The following KCNJ5 variants were observed in gnomAD, a reference collection of about 807,000 sequenced individuals.
The protein encoded by KCNJ5 is potassium inwardly rectifying channel subfamily J member 5.
Under a neutral mutation model 20.2 loss-of-function variants are expected in KCNJ5, and 12 were observed. That is an observed-to-expected ratio of 0.59 (90% CI 0.38 to 0.96). The LOEUF (loss-of-function observed/expected upper bound fraction) is 0.96. KCNJ5 is among the 40% of genes least tolerant of loss of function. The pLI is 0.00. For synonymous variants in KCNJ5, 210 were observed against 213.9 expected (o/e 0.98, Z 0.16); for missense variants, 449 against 557.6 (o/e 0.81, Z 1.96).
chr11:128,920,286 C>T lies in KCNJ5; in HGVS notation c.*3555C>T, dbSNP rs1241497716. On this transcript the variant is annotated 3_prime_UTR_variant, in exon 3 of 3. Transcript: ENST00000529694. Reference sequence around the variant, plus strand: ...CCTGTGTAGTCAGAGAACCCACTGCCCATCGCCTCCTGCTGCTGCTTTGAG... The same window carrying T: ...CCTGTGTAGTCAGAGAACCCACTGCTCATCGCCTCCTGCTGCTGCTTTGAG... 1 of 152,758 alleles carries T rather than the reference C, an allele frequency of 6.5e-6. No homozygotes were observed. The highest frequency in any genetic ancestry group is 1.5e-5 in the Non-Finnish European group (1 of 68,428). 9.5% of individuals were successfully genotyped at this position (152,758 alleles called of 1,614,324 possible). A position where few individuals can be genotyped will look rare whatever the true frequency, so the allele number is the denominator to read the frequency against.
intron 1 of KCNJ5, chr11:128,901,523 G>C (rs576817965): frequency 6.6e-6 from 1 of 152,270 alleles, no homozygotes; most frequent in African/African-American, 2.4e-5. Flanking sequence ...TGGAGAATGC[G>C]GCACAGACAG....
At position 128,916,499 on chromosome 11, in the gene KCNJ5, T is replaced by C; in HGVS notation, c.1028T>C (p.Phe343Ser). Residue 343 changes from phenylalanine to serine, a missense_variant, in exon 3 of 3, where the codon TTC becomes TCC. Phe to Ser is a radical substitution (Grantham distance 155). Around this residue, in one of 5 missense-constraint regions of KCNJ5, gnomAD observed 34 missense variants for 63.8 expected, o/e 0.53. Coordinates refer to ENST00000529694, the MANE Select transcript of KCNJ5 (RefSeq NM_000890.5). ...FTPVLTLEKG[F>S]YEVDYNTFHD... is the part of the protein sequence containing the mutation. Reference sequence around the variant, plus strand: ...CCAGTCCTCACCTTGGAAAAGGGCTTCTATGAGGTGGACTACAACACCTTC... The same window carrying C: ...CCAGTCCTCACCTTGGAAAAGGGCTCCTATGAGGTGGACTACAACACCTTC... 1 of 1,614,164 alleles carries C rather than the reference T, an allele frequency of 6.2e-7. No individual in the cohort carries two copies. Among genetic ancestry groups the C allele is most frequent in the East Asian group, 2.2e-5 (1 of 44,876 alleles).
intron 1 of KCNJ5, among the ~76,000 whole-genome samples, chr11:128,908,864 G>A (rs1260658349): frequency 1.3e-5 from 2 of 152,126 alleles, no homozygotes; most frequent in East Asian, 1.9e-4. Context: ...ACGGGGCCTC[G>A]GGACAGCAGC....
intron 1 of KCNJ5, among the ~76,000 whole-genome samples, chr11:128,897,380 G>A (rs927904024): frequency 5.9e-5 from 9 of 152,200 alleles, no homozygotes; most frequent in East Asian, 5.8e-4. Context: ...TTACAAGCAT[G>A]AGCCACCACG....
intron 1 of KCNJ5, chr11:128,910,004 GT>G (rs1294166198): frequency 6.6e-6 from 1 of 152,168 alleles, no homozygotes; most frequent in Non-Finnish European, 1.5e-5. Flanking sequence ...ACCTCACTTG[GT>G]CACATGCTAA....
At chr11:128,904,549 G>C in intron 1 of KCNJ5, 2 of 1,204,048 alleles carry the variant, frequency 1.7e-6, no homozygotes, top group East Asian at 4.7e-5. Context: ...GTGCACTGAG[G>C]ACCAGCCGCG....
chr11:128,898,955 C>G (rs1313848797), intron 1 of KCNJ5, among the ~76,000 whole-genome samples: 6 of 152,262 alleles, frequency 3.9e-5, no homozygotes. Context: ...TCTGGGATTA[C>G]AGGCGTGAGC....
intron 1 of KCNJ5, among the ~76,000 whole-genome samples, chr11:128,909,024 G>A (rs950580596): frequency 6.6e-6 from 1 of 152,208 alleles, no homozygotes; most frequent in Non-Finnish European, 1.5e-5. Flanking sequence ...GCCACATGAA[G>A]GAGCAGGAAG....
Position 128,916,588 on chromosome 11 carries a change from G to C in KCNJ5, c.1117G>C (p.Glu373Gln). Residue 373 changes from glutamate (E) to glutamine (Q), a missense_variant, in exon 3 of 3, where the codon GAA (glutamate) becomes CAA (glutamine). Physicochemically the swap from Glu to Gln is conservative, Grantham distance 29 (BLOSUM62 2). Around this residue, in one of 5 missense-constraint regions of KCNJ5, gnomAD observed 34 missense variants for 63.8 expected, o/e 0.53. Transcript: ENST00000529694. Reference protein sequence around the residue: ...CAKELAEMKREGRLLQYLPSP... With the variant: ...CAKELAEMKRQGRLLQYLPSP... ...CAAGGAGCTGGCAGAAATGAAGAGG[G>C]AAGGCCGGCTCCTCCAGTACCTCCC... The C allele has an allele frequency of 1.2e-6, 2 of 1,614,096 alleles. No individual in the cohort carries two copies. The highest frequency in any genetic ancestry group is 1.1e-5 in the South Asian group (1 of 91,076).
At chr11:128,902,412 TCTC>T in intron 1 of KCNJ5, 1 of 1,041,306 alleles carries the variant, frequency 9.6e-7, no homozygotes, top group Non-Finnish European at 1.4e-6. Flanking sequence ...AAGACACTGT[TCTC>T]TGCAGCAGGT....
chr11:128,907,548 C>G (rs575734867), intron 1 of KCNJ5, among the ~76,000 whole-genome samples: 6 of 152,354 alleles, frequency 3.9e-5, no homozygotes, highest in African/African-American at 1.4e-4. Flanking sequence ...AACCACTTTG[C>G]TGGACTTGAA....
At chr11:128,912,515 A>G (rs4074638) in intron 2 of KCNJ5, among the ~76,000 whole-genome samples, 128,337 of 151,586 alleles carry the variant, frequency 0.85, 54,484 homozygotes, top group African/African-American at 0.9. Context: ...TGTTTTGTTT[A>G]TTTGTTTATT....
At chr11:128,902,678 TGTC>T in intron 1 of KCNJ5, 4 of 1,613,822 alleles carry the variant, frequency 2.5e-6, no homozygotes, top group Non-Finnish European at 2.5e-6. Flanking sequence ...CTGCCTTTGT[TGTC>T]CTGAGGACTG....
intron 2 of KCNJ5, 103 bp from the exon 3 acceptor site, chr11:128,916,306 A>G (rs1331640132): frequency 1.1e-6 from 1 of 872,916 alleles, no homozygotes; most frequent in Non-Finnish European, 1.9e-6. Flanking sequence ...GGATGGATGG[A>G]TGGATAGATG....
chr11:128,892,922 C>A (rs964017851), intron 1 of KCNJ5, among the ~76,000 whole-genome samples: 1 of 152,202 alleles, frequency 6.6e-6, no homozygotes, highest in African/African-American at 2.4e-5. Flanking sequence ...ATTCCAGGCA[C>A]TAAGTGGCAG....
intron 1 of KCNJ5, among the ~76,000 whole-genome samples, chr11:128,903,889 C>T (rs1944341154): frequency 6.6e-6 from 1 of 151,184 alleles, no homozygotes; most frequent in Non-Finnish European, 1.5e-5. Flanking sequence ...GAGTTCCTTC[C>T]CTGGTGCTCC....
intron 1 of KCNJ5, among the ~76,000 whole-genome samples, chr11:128,893,699 A>T (rs529703802): frequency 6.6e-5 from 10 of 151,566 alleles, no homozygotes; most frequent in Non-Finnish European, 1.3e-4. Flanking sequence ...GCCAAGGGTG[A>T]GGGGGGGGGT....
At chr11:128,904,494 T>G in intron 1 of KCNJ5, 1 of 1,588,772 alleles carries the variant, frequency 6.3e-7, no homozygotes, top group South Asian at 1.1e-5. Flanking sequence ...AGCTCCCAGC[T>G]GATGGCAGCG....
intron 1 of KCNJ5, among the ~76,000 whole-genome samples, chr11:128,894,855 C>T (rs935876006): frequency 1.3e-5 from 2 of 152,212 alleles, no homozygotes; most frequent in South Asian, 2.1e-4. Flanking sequence ...CCCAGGATGG[C>T]GGGAACCCTT....
Sources: gnomAD v4.1 joint callset for allele counts (sites outside exome capture counted in the v4.1 genomes callset) on GRCh38, gnomAD v4.1.1 for gene constraint, gnomAD v4.1.1 regional missense constraint, MANE v1.5 for transcripts, NCBI Gene and HGNC (gene_info 2026-07-23, HGNC 2026-07-21) for gene names.